LPP: variants seen among roughly 807,000 people sequenced by gnomAD.
LPP encodes the protein lipoma-preferred partner.
A neutral mutation model predicts 60.4 loss-of-function variants in LPP; 38 were observed. That is an observed-to-expected ratio of 0.63 (90% CI 0.49 to 0.83). The LOEUF (loss-of-function observed/expected upper bound fraction) is 0.83. Among genes scored for constraint, LPP ranks in the 40% least tolerant of loss-of-function variants. The pLI, the probability that LPP is intolerant of heterozygous loss-of-function variation, is 0.00. For missense variants in LPP, 902 were observed against 783.6 expected (o/e 1.15, Z -1.80); for synonymous variants, 328 against 290.8 (o/e 1.13, Z -1.30).
chr3:188,835,812 T>C (rs1325143093), intron 9 of LPP, among the ~76,000 whole-genome samples: 1 of 152,150 alleles, frequency 6.6e-6, no homozygotes, highest in East Asian at 1.9e-4. Context: ...AGGGAAGCTG[T>C]CCATAAATAA....
intron 2 of LPP, among the ~76,000 whole-genome samples, chr3:188,260,603 A>G (rs1170316383): frequency 6.6e-6 from 1 of 152,132 alleles, no homozygotes; most frequent in Non-Finnish European, 1.5e-5. Context: ...GAAGGACCTC[A>G]TGGCTGCATA....
intron 8 of LPP, 144 bp from the exon 9 acceptor site, chr3:188,759,969 A>G: frequency 1.5e-6 from 1 of 646,666 alleles, no homozygotes; most frequent in Non-Finnish European, 2.7e-6. Context: ...TGCTGGGGTA[A>G]TGGGGTAATA....
chr3:188,524,621 A>C (rs775123418), intron 5 of LPP, 44 bp from the exon 6 acceptor site: 13 of 1,573,318 alleles, frequency 8.3e-6, no homozygotes, highest in Middle Eastern at 1.8e-4. Flanking sequence ...TAATGATATC[A>C]AGGGAAATTT....
chr3:188,473,597 A>T (rs1802402894), intron 4 of LPP, among the ~76,000 whole-genome samples: 1 of 152,148 alleles, frequency 6.6e-6, no homozygotes, highest in Non-Finnish European at 1.5e-5. Context: ...GCCCCAGGAG[A>T]TTCCGATACA....
At chr3:188,820,429 C>T (rs1458638620) in intron 9 of LPP, among the ~76,000 whole-genome samples, 2 of 152,196 alleles carry the variant, frequency 1.3e-5, no homozygotes, top group Admixed American at 1.3e-4. Context: ...AAGTGTGTGT[C>T]TCTTTGTGTC....
At chr3:188,754,116 A>T (rs1210113230) in intron 8 of LPP, among the ~76,000 whole-genome samples, 1 of 152,308 alleles carries the variant, frequency 6.6e-6, no homozygotes, top group Non-Finnish European at 1.5e-5. Flanking sequence ...AACAGTTGAC[A>T]TTCTTTGTGG....
At chr3:188,662,294 C>T (rs1266123853) in intron 7 of LPP, among the ~76,000 whole-genome samples, 1 of 152,158 alleles carries the variant, frequency 6.6e-6, no homozygotes, top group African/African-American at 2.4e-5. Context: ...CATCGTTGGG[C>T]TGCTTCAAAC....
chr3:188,300,069 A>T (rs2150133846), intron 2 of LPP, among the ~76,000 whole-genome samples: 1 of 152,364 alleles, frequency 6.6e-6, no homozygotes, highest in Non-Finnish European at 1.5e-5. Context: ...GACTCTTTTT[A>T]AAAAGTTAAA....
Position 188,251,226 on chromosome 3 carries a change from G to T in LPP, c.-67+25699G>T, listed in dbSNP as rs551366433. Among the ~76,000 whole-genome samples the T allele has an allele frequency of 2.7e-5, 4 of 150,358 alleles. 1 individual carries two copies. The South Asian group carries it at 8.5e-4, about 32-fold the overall frequency. On this transcript the variant is annotated intron_variant, in intron 2 of 11. Transcript: ENST00000617246. ...TGGCCCTCAAATTATCCCAGATTTG[G>T]TCAGTGGGAGCTGCATCAAGTTGGC...
intron 5 of LPP, among the ~76,000 whole-genome samples, chr3:188,521,392 T>C: frequency 6.6e-6 from 1 of 152,150 alleles, no homozygotes; most frequent in Admixed American, 6.5e-5. Context: ...TGTTTTATTG[T>C]GTAGTTCAGG....
chr3:188,308,540 T>A (rs1023709092), intron 2 of LPP, among the ~76,000 whole-genome samples: 1 of 152,184 alleles, frequency 6.6e-6, no homozygotes, highest in African/African-American at 2.4e-5. Context: ...TAACAACTGC[T>A]ATGGCCCAGG....
In LPP at chr3:188,572,299, T is replaced by C. The variant is rs1833713502; in HGVS notation, c.430-36862T>C. On this transcript the variant is annotated intron_variant, in intron 6 of 11. Transcript: ENST00000617246. This position sits in a 1 kb window ranked among gnomAD's most constrained non-coding sequence, Gnocchi z 4.1. Reference sequence around the variant, plus strand: ...ATTCTAACGACAAAGCCCTATGTTATAATTTAAATGGTAGTAATTTTTGTT... The same window carrying C: ...ATTCTAACGACAAAGCCCTATGTTACAATTTAAATGGTAGTAATTTTTGTT... Among the ~76,000 whole-genome samples, 1 of 152,126 alleles carries C rather than the reference T, an allele frequency of 6.6e-6. No homozygotes were observed.
Position 188,451,780 on chromosome 3 carries a change from C to G in LPP, c.194-32812C>G, listed in dbSNP as rs571390443. 3.9e-5 allele frequency among the ~76,000 whole-genome samples: 6 copies of G among 152,266 alleles called. No homozygotes were observed. In the South Asian group the frequency reaches 1.0e-3, roughly 26 times the overall value. ...AAGGTAAAGCAGTAGGAGGAATATT[C>G]AGACAGAGAGAATAATGTGTGCAGA... On this transcript the variant is annotated intron_variant, in intron 4 of 11. Coordinates refer to ENST00000617246, the MANE Select transcript of LPP (RefSeq NM_001375462.1).
intron 9 of LPP, among the ~76,000 whole-genome samples, chr3:188,819,378 T>C (rs1370454523): frequency 6.6e-6 from 1 of 151,638 alleles, no homozygotes; most frequent in Non-Finnish European, 1.5e-5. Flanking sequence ...ACCCAAGTTT[T>C]CGCTATAAAG....
At chr3:188,669,312 C>T (rs980421145) in intron 7 of LPP, among the ~76,000 whole-genome samples, 4 of 152,166 alleles carry the variant, frequency 2.6e-5, no homozygotes, top group Non-Finnish European at 4.4e-5. Context: ...CATGATGGCT[C>T]ACACCTGTAA....
chr3:188,655,122 C>T (rs985553690), intron 7 of LPP, among the ~76,000 whole-genome samples: 1 of 152,154 alleles, frequency 6.6e-6, no homozygotes, highest in Non-Finnish European at 1.5e-5. Flanking sequence ...TCTTTAGGCT[C>T]ATGTTTTGTT....
At chr3:188,252,366 C>CCT (rs1275578113) in intron 2 of LPP, among the ~76,000 whole-genome samples, 6 of 39,292 alleles carry the variant, frequency 1.5e-4, no homozygotes, top group Admixed American at 1.4e-3. Context: ...GTTTTTTTTT[C>CCT]CTCTCTCTCT....
intron 6 of LPP, among the ~76,000 whole-genome samples, chr3:188,607,376 T>G (rs1372617020): frequency 0.011 from 124 of 11,060 alleles, no homozygotes; most frequent in African/African-American, 0.043. Flanking sequence ...AGAAGATATA[T>G]ATATATATAT....
intron 6 of LPP, among the ~76,000 whole-genome samples, chr3:188,558,086 C>G (rs1829895900): frequency 6.6e-6 from 1 of 152,128 alleles, no homozygotes; most frequent in Admixed American, 6.6e-5. Context: ...CTACCTCAAC[C>G]AGTAAGTTCC....
Sources: allele counts gnomAD v4.1 joint callset (sites outside exome capture counted in the v4.1 genomes callset), GRCh38; gene constraint gnomAD v4.1.1; non-coding constraint Gnocchi (gnomAD v3.1); transcripts MANE v1.5; gene names NCBI Gene and HGNC (gene_info 2026-07-23, HGNC 2026-07-21).